Variants in PEAK1 observed in about 807,000 individuals in gnomAD.
The protein encoded by PEAK1 is inactive tyrosine-protein kinase PEAK1.
Under a neutral mutation model 124.7 loss-of-function variants are expected in PEAK1, and 54 were observed. The ratio of observed to expected loss-of-function variants is 0.43; its 90% CI spans 0.35 to 0.54. The LOEUF is 0.54. Among genes scored for constraint, PEAK1 ranks in the 20% least tolerant of loss-of-function variants. The pLI, the probability that PEAK1 is intolerant of heterozygous loss-of-function variation, is 0.01. For missense variants in PEAK1, 2,046 were observed against 2,134.5 expected, an observed-to-expected ratio of 0.96 and a Z score of 0.82; for synonymous variants, 719 against 760.0, an observed-to-expected ratio of 0.95 and a Z score of 0.89.
At position 77,189,587 on chromosome 15, in the gene PEAK1, A is replaced by C. The variant is rs2057731320; in HGVS notation, c.-114-7547T>G. 2.0e-5 allele frequency among the ~76,000 whole-genome samples: 3 copies of C among 152,208 alleles called. No individual in the cohort carries two copies. The South Asian group carries it at 6.2e-4, about 31-fold the overall frequency. ...CTCACTGCAGAATAAGCCAGAAGGA[A>C]ACAAACAGGCATAAACTTAGCTAGT... On this transcript the variant is annotated intron_variant, in intron 6 of 9. Transcript: ENST00000682557.
At chr15:77,313,742 T>TATATATATATATATATA (rs760524195) in intron 2 of PEAK1, among the ~76,000 whole-genome samples, 11 of 113,484 alleles carry the variant, frequency 9.7e-5, no homozygotes, top group South Asian at 2.6e-4. Flanking sequence ...ATATATATAT[T>TATATATATATATATATA]TATTTATTTA....
intron 5 of PEAK1, 145 bp from the exon 6 acceptor site, chr15:77,252,671 G>C (rs1044967351): frequency 9.0e-6 from 4 of 443,642 alleles, no homozygotes; most frequent in Non-Finnish European, 1.2e-5. Context: ...TTTCTACTTA[G>C]GTGGAGACAC....
intron 6 of PEAK1, among the ~76,000 whole-genome samples, chr15:77,186,690 G>A (rs1429425758): frequency 2.0e-5 from 3 of 152,092 alleles, no homozygotes; most frequent in Admixed American, 2.0e-4. Flanking sequence ...AGCACCAGAT[G>A]GAGCTGCTGT....
intron 1 of PEAK1, chr15:77,401,592 C>T (rs11072653): frequency 0.73 from 718,973 of 981,486 alleles, 266,442 homozygotes; most frequent in Non-Finnish European, 0.76. Flanking sequence ...ATCAATTAAA[C>T]TCCCAAATCA....
chr15:77,323,814 C>T (rs965202985), intron 2 of PEAK1, among the ~76,000 whole-genome samples: 38 of 152,260 alleles, frequency 2.5e-4, no homozygotes, highest in African/African-American at 8.7e-4. Context: ...AAAAAAGAGC[C>T]TGCATTGCCA....
At chr15:77,418,928 A>C (rs2073113127) in intron 1 of PEAK1, 2 of 985,332 alleles carry the variant, frequency 2.0e-6, no homozygotes, top group African/African-American at 3.5e-5. Flanking sequence ...GTTCACGTAC[A>C]TCATCCAATG....
At chr15:77,193,862 T>TA (rs2057977158) in intron 6 of PEAK1, among the ~76,000 whole-genome samples, 1 of 151,916 alleles carries the variant, frequency 6.6e-6, no homozygotes. Flanking sequence ...TAAACTAATC[T>TA]AACTCTCTAG....
Position 77,181,180 on chromosome 15 carries a change from G to C in PEAK1, c.747C>G (p.His249Gln), listed in dbSNP as rs532630848. The C allele has an allele frequency of 6.2e-7, 1 of 1,613,994 alleles. No homozygotes were observed. Among genetic ancestry groups the C allele is most frequent in the Non-Finnish European group, 8.5e-7 (1 of 1,179,982 alleles). ...CTTCATCACTCTCATCCCAACTCTC[G>C]TGCTCCTCCTCCATGTTACTGAAAA... is the stretch of plus-strand genomic sequence containing the variant. ...DVLFSNMEEE[H>Q]ESWDESDEEL... is the part of the protein sequence containing the mutation. Residue 249 changes from histidine (H) to glutamine (Q), a missense_variant, in exon 7 of 10, where the codon CAC becomes CAG. Physicochemically the swap from His to Gln is conservative, Grantham distance 24. Transcript: ENST00000682557.
At chr15:77,361,558 T>C (rs1197309290) in intron 2 of PEAK1, among the ~76,000 whole-genome samples, 1 of 152,164 alleles carries the variant, frequency 6.6e-6, no homozygotes, top group African/African-American at 2.4e-5. Flanking sequence ...GCAGCTGTTA[T>C]CAAAAGACAA....
chr15:77,222,444 T>C (rs1032305722), intron 6 of PEAK1, among the ~76,000 whole-genome samples: 6 of 152,052 alleles, frequency 3.9e-5, no homozygotes, highest in Non-Finnish European at 5.9e-5. Flanking sequence ...TAATCACTAA[T>C]TATCCCAATG....
chr15:77,156,709 T>A (rs1048266528), intron 8 of PEAK1: 2 of 152,176 alleles, frequency 1.3e-5, no homozygotes, highest in Non-Finnish European at 2.9e-5. Flanking sequence ...TCAAACATGG[T>A]ACAATTAGTA....
chr15:77,380,865 G>A lies in PEAK1; in HGVS notation c.-665-15640C>T, dbSNP rs1225072462. ...CAGAGTAAGTGTTGCTGGAAACCCT[G>A]GTATGCCACTTTCATCAACCCAAAA... is the stretch of plus-strand genomic sequence containing the variant. On this transcript the variant is annotated intron_variant, in intron 1 of 9. Coordinates refer to ENST00000682557, the MANE Select transcript of PEAK1 (RefSeq NM_001385026.1). 1.3e-5 allele frequency among the ~76,000 whole-genome samples: 2 copies of A among 152,090 alleles called. 1 individual carries two copies. Among genetic ancestry groups the A allele is most frequent in the African/African-American group, 4.8e-5 (2 of 41,394 alleles).
At chr15:77,293,549 C>A (rs985141558) in intron 2 of PEAK1, among the ~76,000 whole-genome samples, 2 of 152,232 alleles carry the variant, frequency 1.3e-5, no homozygotes, top group South Asian at 4.1e-4. Context: ...GCCAATGCTA[C>A]CTCCTCTTTG....
intron 2 of PEAK1, chr15:77,348,346 A>G: frequency 1.1e-6 from 1 of 882,936 alleles, no homozygotes; most frequent in Non-Finnish European, 1.4e-6. Context: ...AATATTAAAT[A>G]AAACAGGTTA....
At chr15:77,117,379 G>T (rs2051485866) in intron 9 of PEAK1, among the ~76,000 whole-genome samples, 1 of 152,166 alleles carries the variant, frequency 6.6e-6, no homozygotes, top group Non-Finnish European at 1.5e-5. Flanking sequence ...CTACTTCACA[G>T]GGCAGTTGTG....
At chr15:77,415,241 GTAAC>G (rs1222914033) in intron 1 of PEAK1, among the ~76,000 whole-genome samples, 1 of 152,182 alleles carries the variant, frequency 6.6e-6, no homozygotes, top group Admixed American at 6.5e-5. Flanking sequence ...TCCTAGTCAT[GTAAC>G]TAACAATCCT....
intron 2 of PEAK1, among the ~76,000 whole-genome samples, chr15:77,344,188 G>A (rs919986816): frequency 8.5e-5 from 13 of 152,054 alleles, no homozygotes; most frequent in Admixed American, 3.9e-4. Flanking sequence ...TCCGCCTCCC[G>A]GGTTCACGCC....
intron 2 of PEAK1, among the ~76,000 whole-genome samples, chr15:77,306,927 T>C (rs1214654792): frequency 6.6e-6 from 1 of 152,258 alleles, no homozygotes; most frequent in East Asian, 1.9e-4. Flanking sequence ...TAAACATCTT[T>C]TGAAATTAAG....
intron 2 of PEAK1, among the ~76,000 whole-genome samples, chr15:77,358,218 C>T (rs1343655532): frequency 6.6e-6 from 1 of 152,094 alleles, no homozygotes; most frequent in Non-Finnish European, 1.5e-5. Context: ...TTTTCCCCTA[C>T]CTCTGTATAT....
Sources: allele counts gnomAD v4.1 joint callset (sites outside exome capture counted in the v4.1 genomes callset), GRCh38; gene constraint gnomAD v4.1.1; transcripts MANE v1.5; gene names NCBI Gene and HGNC (gene_info 2026-07-23, HGNC 2026-07-21).